Variants in GDAP1 observed in about 807,000 individuals in gnomAD.
The protein encoded by GDAP1 is ganglioside induced differentiation associated protein 1, also known as ganglioside-induced differentiation-associated protein 1.
GDAP1 carries 34 observed loss-of-function variants against 40.1 expected under a neutral mutation model. That is an observed-to-expected ratio of 0.85 (90% CI 0.64 to 1.13). GDAP1 has a LOEUF of 1.13. Ranked by LOEUF, GDAP1 falls within the 50% of genes most tolerant of loss-of-function variation. The pLI is 0.00. For synonymous variants in GDAP1, 170 were observed against 157.4 expected, an observed-to-expected ratio of 1.08 and a Z score of -0.60; for missense variants, 374 against 433.7, an observed-to-expected ratio of 0.86 and a Z score of 1.22.
At chr8:74,394,497 A>G (rs1413247411) in intron 2 of GDAP1, among the ~76,000 whole-genome samples, 2 of 152,194 alleles carry the variant, frequency 1.3e-5, no homozygotes, top group East Asian at 1.9e-4. Flanking sequence ...AAGGAGACAC[A>G]TATTCACATC....
At chr8:74,388,334 C>T (rs1810056328) in intron 2 of GDAP1, among the ~76,000 whole-genome samples, 1 of 152,110 alleles carries the variant, frequency 6.6e-6, no homozygotes. Context: ...ACATTTCCTT[C>T]TAAACACTGC....
At chr8:74,482,060 G>C (rs1806718508) in intron 2 of GDAP1, among the ~76,000 whole-genome samples, 1 of 147,930 alleles carries the variant, frequency 6.8e-6, no homozygotes, top group South Asian at 2.3e-4. Flanking sequence ...GGTGAAGGGG[G>C]AAGGACTTTC....
intron 2 of GDAP1, among the ~76,000 whole-genome samples, chr8:74,380,401 G>A (rs1295274247): frequency 6.6e-6 from 1 of 152,052 alleles, no homozygotes; most frequent in African/African-American, 2.4e-5. Flanking sequence ...TAGAACTCAA[G>A]TCTCCTAAAT....
downstream of GDAP1, among the ~76,000 whole-genome samples, chr8:74,369,305 T>C (rs187326474): frequency 1.3e-5 from 2 of 152,154 alleles, no homozygotes; most frequent in Non-Finnish European, 2.9e-5. Context: ...TAAATAGATA[T>C]GACCTAAATG....
At chr8:74,398,877 C>T (rs1195278583) in intron 2 of GDAP1, among the ~76,000 whole-genome samples, 1 of 152,012 alleles carries the variant, frequency 6.6e-6, no homozygotes, top group African/African-American at 2.4e-5. Flanking sequence ...ATTGAACCAG[C>T]CTTGCATCGC....
At chr8:74,454,628 C>T (rs7388603) in intron 2 of GDAP1, among the ~76,000 whole-genome samples, 81,027 of 81,084 alleles carry the variant, frequency 1, 40,506 homozygotes, top group Middle Eastern at 1. Context: ...AGGGGATTTT[C>T]TTAGGGATCA....
intron 2 of GDAP1, among the ~76,000 whole-genome samples, chr8:74,440,207 G>A (rs1025985145): frequency 4.6e-5 from 7 of 152,138 alleles, no homozygotes; most frequent in African/African-American, 4.8e-5. Flanking sequence ...GTTAGCATGA[G>A]TTTGGAGCCA....
intron 2 of GDAP1, among the ~76,000 whole-genome samples, chr8:74,384,474 A>T (rs1057457580): frequency 3.3e-5 from 5 of 152,202 alleles, no homozygotes; most frequent in Non-Finnish European, 5.9e-5. Context: ...CTCTAAATTT[A>T]AAACCCACAA....
chr8:74,470,965 T>A (rs1160515713), intron 2 of GDAP1, among the ~76,000 whole-genome samples: 1 of 152,252 alleles, frequency 6.6e-6, no homozygotes, highest in East Asian at 1.9e-4. Flanking sequence ...AGATGGTATC[T>A]CATTGTGGGT....
intron 2 of GDAP1, among the ~76,000 whole-genome samples, chr8:74,484,436 T>C (rs1038321517): frequency 3.3e-5 from 5 of 152,188 alleles, no homozygotes; most frequent in Non-Finnish European, 5.9e-5. Flanking sequence ...TTCTTTGTTC[T>C]AAGGATATCG....
At chr8:74,470,310 G>T (rs912155383) in intron 2 of GDAP1, among the ~76,000 whole-genome samples, 3 of 151,982 alleles carry the variant, frequency 2.0e-5, no homozygotes, top group African/African-American at 7.2e-5. Flanking sequence ...CGTGCAGGTT[G>T]GTTACATATG....
At chr8:74,485,754 C>T (rs1340427545) in intron 2 of GDAP1, among the ~76,000 whole-genome samples, 4 of 151,512 alleles carry the variant, frequency 2.6e-5, no homozygotes, top group Non-Finnish European at 5.9e-5. Context: ...TTGTGCCCCA[C>T]TGAGGAAACC....
downstream of GDAP1, among the ~76,000 whole-genome samples, chr8:74,371,781 TTTA>T (rs56210846): frequency 0.19 from 28,383 of 151,910 alleles, 2,907 homozygotes; most frequent in Admixed American, 0.31. Flanking sequence ...TTTATTTTTT[TTTA>T]TTATTATACT....
intron 2 of GDAP1, among the ~76,000 whole-genome samples, chr8:74,442,432 G>C (rs1806174625): frequency 6.6e-6 from 1 of 152,044 alleles, no homozygotes; most frequent in Non-Finnish European, 1.5e-5. Flanking sequence ...TTTGTTCATT[G>C]TGTTTTAAGT....
Position 74,364,187 on chromosome 8 carries a change from A to C in GDAP1, c.897A>C (p.Ile299=). The change falls in exon 6 of 6, where the codon ATA becomes ATC. Residue 299 remains isoleucine, a synonymous_variant. Transcript: ENST00000220822. ...AGGTTTTAGGACATGTCAACAATAT[A>C]TTAATCTCTGCAGTGCTGCCAACAG... ...FNKVLGHVNN[I]LISAVLPTAF... 1 of 1,614,152 alleles carries C rather than the reference A, an allele frequency of 6.2e-7. No homozygotes were observed. The highest frequency in any genetic ancestry group is 8.5e-7 in the Non-Finnish European group (1 of 1,179,986).
intron 2 of GDAP1, among the ~76,000 whole-genome samples, chr8:74,356,871 C>T (rs1387909578): frequency 1.1e-4 from 17 of 151,668 alleles, no homozygotes; most frequent in African/African-American, 3.4e-4. Flanking sequence ...CGCACCACCA[C>T]GCCCGGCTAA....
rs1169857039 is a variant in GDAP1, at chr8:74,422,348, TCTTC to T, written c.166-66328_166-66325del. On this transcript the variant is annotated intron_variant, in intron 2 of 2. Coordinates refer to the GDAP1 transcript ENST00000523640. ...TTCTTTCTTTCTTTCTTTCTTTCTTTCTTCCCTTCCTTCCTTCCTTCCTTCCTTC... is the reference window on the plus strand; with the variant it reads ...TTCTTTCTTTCTTTCTTTCTTTCTTTCCTTCCTTCCTTCCTTCCTTCCTTC... Among the ~76,000 whole-genome samples, 329 of 37,640 alleles carry T rather than the reference TCTTC, an allele frequency of 8.7e-3. 9 individuals carry two copies. Among genetic ancestry groups the T allele is most frequent in the African/African-American group, 0.032 (263 of 8,156 alleles). 24.7% of individuals were successfully genotyped at this position (37,640 alleles called of 152,430 possible).
At chr8:74,428,930 G>A (rs1409304493) in intron 2 of GDAP1, among the ~76,000 whole-genome samples, 4 of 131,934 alleles carry the variant, frequency 3.0e-5, no homozygotes, top group Non-Finnish European at 4.6e-5. Flanking sequence ...TGTTCTCGTT[G>A]TTCAATTCCC....
chr8:74,419,227 A>G (rs903666414), intron 2 of GDAP1, among the ~76,000 whole-genome samples: 2 of 152,180 alleles, frequency 1.3e-5, no homozygotes, highest in Admixed American at 6.5e-5. Context: ...CGCTTATATA[A>G]ATGTTTATGG....
Sources: allele counts gnomAD v4.1 joint callset (sites outside exome capture counted in the v4.1 genomes callset), GRCh38; gene constraint gnomAD v4.1.1; transcripts MANE v1.5; gene names NCBI Gene and HGNC (gene_info 2026-07-23, HGNC 2026-07-21).